The following DENND3 variants were observed in gnomAD, a reference collection of about 807,000 sequenced individuals.
The protein encoded by DENND3 is DENN domain-containing protein 3.
Under a neutral mutation model 135.1 loss-of-function variants are expected in DENND3, and 88 were observed. The ratio of observed to expected loss-of-function variants is 0.65; its 90% CI spans 0.55 to 0.78. DENND3 has a LOEUF of 0.78. Among genes scored for constraint, DENND3 ranks in the 30% least tolerant of loss-of-function variants. DENND3 has a pLI of 0.00. For missense variants in DENND3, 1,392 were observed against 1,688.4 expected, an observed-to-expected ratio of 0.82 and a Z score of 3.08; for synonymous variants, 693 against 712.3, an observed-to-expected ratio of 0.97 and a Z score of 0.43.
rs775760071 is a variant in DENND3 at position 141,175,635 on chromosome 8, A to G, written c.2535+176A>G. Reference sequence around the variant, plus strand: ...TCTGTAAAGTAGGAATAAGGCTGATACCTTCTCAGTGGGTGGTGGAGATTG... The same window carrying G: ...TCTGTAAAGTAGGAATAAGGCTGATGCCTTCTCAGTGGGTGGTGGAGATTG... On this transcript the variant is annotated intron_variant, in intron 14 of 22. Transcript: ENST00000519811. This position sits in a 1 kb window ranked among gnomAD's most constrained non-coding sequence, Gnocchi z 5.4. The G allele has an allele frequency of 1.1e-6, 1 of 895,700 alleles. No homozygotes were observed. The highest frequency in any genetic ancestry group is 1.8e-6 in the Non-Finnish European group (1 of 566,284). 55.5% of individuals were successfully genotyped at this position (895,700 alleles called of 1,614,324 possible).
At chr8:141,189,615 CT>C (rs56255500) in intron 19 of DENND3, among the ~76,000 whole-genome samples, 19,568 of 152,212 alleles carry the variant, frequency 0.13, 1,624 homozygotes, top group East Asian at 0.18. Flanking sequence ...TGAGCAGAGG[CT>C]CATGGTGGGG....
Position 141,168,417 on chromosome 8 carries a change from C to A in DENND3, c.2167C>A (p.Leu723Met). 1 of 1,613,898 alleles carries A rather than the reference C, an allele frequency of 6.2e-7. No homozygotes were observed. The highest frequency in any genetic ancestry group is 8.5e-7 in the Non-Finnish European group (1 of 1,180,044). Reference protein sequence around the residue: ...KLDDHVKKFKLPKKHMQLGDF... With the variant: ...KLDDHVKKFKMPKKHMQLGDF... ...GGACGACCACGTGAAGAAGTTCAAGCTGCCCAAGAAGCACATGCAGCTGGG... is the reference window on the plus strand; with the variant it reads ...GGACGACCACGTGAAGAAGTTCAAGATGCCCAAGAAGCACATGCAGCTGGG... The change falls in exon 13 of 23, where the codon CTG becomes ATG. Residue 723 changes from leucine (L) to methionine (M), a missense_variant. Coordinates refer to ENST00000519811, the MANE Select transcript of DENND3 (RefSeq NM_001352890.3). The surrounding 1 kb of genome is among the most constrained non-coding windows in gnomAD (Gnocchi z 6.2).
At position 141,128,930 on chromosome 8, in the gene DENND3, G is replaced by C; in HGVS notation, c.102+121G>C. The C allele has an allele frequency of 1.4e-6, 1 of 728,348 alleles. No individual in the cohort carries two copies. 45.1% of individuals were successfully genotyped at this position (728,348 alleles called of 1,614,324 possible). A position where few individuals can be genotyped will look rare whatever the true frequency, so the allele number is the denominator to read the frequency against. The stretch of plus-strand genomic sequence containing the variant: ...CGGACTTTCCGAGGGCTGAGTCCCG[G>C]TCCCCCGGCGGTGACCCCGCGCGCC... On this transcript the variant is annotated intron_variant, in intron 1 of 22. Coordinates refer to ENST00000519811, the MANE Select transcript of DENND3 (RefSeq NM_001352890.3). The surrounding 1 kb of genome is among the most constrained non-coding windows in gnomAD (Gnocchi z 4.5).
intron 10 of DENND3, among the ~76,000 whole-genome samples, chr8:141,164,314 A>G (rs978557560): frequency 1.3e-5 from 2 of 152,166 alleles, no homozygotes; most frequent in African/African-American, 4.8e-5. Flanking sequence ...TCCATTTGTG[A>G]CTATTACAAA....
chr8:141,156,657 G>A (rs1472381055), intron 8 of DENND3, among the ~76,000 whole-genome samples: 1 of 152,084 alleles, frequency 6.6e-6, no homozygotes, highest in Non-Finnish European at 1.5e-5. Flanking sequence ...CTAATGACAG[G>A]ACAGCCATGG....
intron 18 of DENND3, 191 bp downstream of exon 18, chr8:141,185,469 C>T: frequency 3.0e-6 from 2 of 669,312 alleles, no homozygotes; most frequent in East Asian, 2.9e-5. Flanking sequence ...CTTCTACTTA[C>T]ACGTCCTTAT....
intron 10 of DENND3, among the ~76,000 whole-genome samples, chr8:141,164,058 C>G (rs915564149): frequency 6.6e-6 from 1 of 152,194 alleles, no homozygotes. Flanking sequence ...TGCCCCATCC[C>G]TCCCCAGGTC....
chr8:141,137,769 G>A lies in DENND3; in HGVS notation c.386-253G>A, dbSNP rs1205497495. Among the ~76,000 whole-genome samples the A allele has an allele frequency of 5.9e-5, 9 of 152,214 alleles. No homozygotes were observed. Among genetic ancestry groups the A allele is most frequent in the Non-Finnish European group, 1.0e-4 (7 of 68,032 alleles). On this transcript the variant is annotated intron_variant, in intron 2 of 22. Coordinates refer to ENST00000519811, the MANE Select transcript of DENND3 (RefSeq NM_001352890.3). This position sits in a 1 kb window ranked among gnomAD's most constrained non-coding sequence, Gnocchi z 4.1. The stretch of plus-strand genomic sequence containing the variant: ...AACCTGGGACAGGCGCCAGGTGGGC[G>A]GCTGTGCCCAGCAAGCACTGCCACT...
At position 141,180,835 on chromosome 8, in the gene DENND3, C is replaced by A. The variant is rs149194254; in HGVS notation, c.2925C>A (p.Asp975Glu). ...GGGAGGCGTTCCCACAAGCGGTGGA[C>A]GTGCTGCTCTACACTCCAGGTAAGG... is the stretch of plus-strand genomic sequence containing the variant. ...SAGEAFPQAV[D>E]VLLYTPGHLD... The change falls in exon 17 of 23, where the codon GAC becomes GAA. Residue 975 changes from aspartate (D) to glutamate (E), a missense_variant. Asp to Glu is a conservative substitution (Grantham distance 45, BLOSUM62 2). Transcript: ENST00000519811. 2 of 1,613,052 alleles carry A rather than the reference C, an allele frequency of 1.2e-6. No homozygotes were observed. Among genetic ancestry groups the A allele is most frequent in the South Asian group, 1.1e-5 (1 of 90,812 alleles).
At chr8:141,149,084 A>G (rs1818483791) in intron 5 of DENND3, among the ~76,000 whole-genome samples, 1 of 151,926 alleles carries the variant, frequency 6.6e-6, no homozygotes, top group Non-Finnish European at 1.5e-5. Context: ...CTAATTTTGT[A>G]TTTTTAGTAG....
rs1820824415 is a variant in DENND3, at chr8:141,166,578, A to T, written c.1753+189A>T. ...TTCTAGAAAATTATTTCTCGTCTGT[A>T]TTTTCTGCCACCCAGTGTCACCGCT... On this transcript the variant is annotated intron_variant, in intron 12 of 22. Transcript: ENST00000519811. This position sits in a 1 kb window ranked among gnomAD's most constrained non-coding sequence, Gnocchi z 4.3. Among the ~76,000 whole-genome samples the T allele has an allele frequency of 6.6e-6, 1 of 152,082 alleles. No homozygotes were observed. The highest frequency in any genetic ancestry group is 6.5e-5 in the Admixed American group (1 of 15,278).
Position 141,133,426 on chromosome 8 carries a change from G to C in DENND3, c.103-3083G>C, listed in dbSNP as rs538228542. Among the ~76,000 whole-genome samples, 17 of 152,304 alleles carry C rather than the reference G, an allele frequency of 1.1e-4. 1 individual carries two copies. The South Asian group carries it at 3.5e-3, about 32-fold the overall frequency. ...GATGGGGCTGTGATGCTTCAAGGCTGGGTTGGGGCCACAAAGTATCTGGTT... is the reference window on the plus strand; with the variant it reads ...GATGGGGCTGTGATGCTTCAAGGCTCGGTTGGGGCCACAAAGTATCTGGTT... On this transcript the variant is annotated intron_variant, in intron 1 of 22. Transcript: ENST00000519811.
At position 141,175,145 on chromosome 8, in the gene DENND3, G is replaced by A; in HGVS notation, c.2276-55G>A. 6.4e-7 allele frequency: 1 copy of A among 1,555,678 alleles called. No individual in the cohort carries two copies. Among genetic ancestry groups the A allele is most frequent in the Non-Finnish European group, 8.7e-7 (1 of 1,153,050 alleles). Reference sequence around the variant, plus strand: ...CTTCAGGTCATGGAGAAGCCCTTGGGGCTCCCGAGGTATGTGGCTGTAAGA... The same window carrying A: ...CTTCAGGTCATGGAGAAGCCCTTGGAGCTCCCGAGGTATGTGGCTGTAAGA... On this transcript the variant is annotated intron_variant, in intron 13 of 22. Coordinates refer to ENST00000519811, the MANE Select transcript of DENND3 (RefSeq NM_001352890.3). This position sits in a 1 kb window ranked among gnomAD's most constrained non-coding sequence, Gnocchi z 5.4.
intron 5 of DENND3, among the ~76,000 whole-genome samples, chr8:141,148,508 A>ACCGTATCT (rs1818419183): frequency 6.6e-6 from 1 of 152,128 alleles, no homozygotes; most frequent in South Asian, 2.1e-4. Context: ...CTTCTCTTGT[A>ACCGTATCT]CCGTATCTGA....
chr8:141,168,146 C>G lies in DENND3; in HGVS notation c.1896C>G (p.Asn632Lys), dbSNP rs750793638. 21 of 1,614,132 alleles carry G rather than the reference C, an allele frequency of 1.3e-5. No homozygotes were observed. Among genetic ancestry groups the G allele is most frequent in the Non-Finnish European group, 1.7e-5 (20 of 1,180,060 alleles). The change falls in exon 13 of 23, where the codon AAC becomes AAG. Residue 632 changes from asparagine to lysine, a missense_variant. Physicochemically the swap from Asn to Lys is moderately conservative, Grantham distance 94 (BLOSUM62 0). Transcript: ENST00000519811. This position sits in a 1 kb window ranked among gnomAD's most constrained non-coding sequence, Gnocchi z 6.2. ...CCATGTGCTTTCTGGCCCCCGATAA[C>G]TCTCTGCTCCTGGCCCGCTATTTGT... Reference protein sequence around the residue: ...SEAMCFLAPDNSLLLARYLYL... With the variant: ...SEAMCFLAPDKSLLLARYLYL...
chr8:141,149,823 G>A (rs980032528), intron 5 of DENND3, among the ~76,000 whole-genome samples: 7 of 152,238 alleles, frequency 4.6e-5, no homozygotes, highest in African/African-American at 1.4e-4. Flanking sequence ...AAGGACCTGC[G>A]TCTTGTTAGG....
At chr8:141,150,452 A>G (rs1471455756) in intron 5 of DENND3, 2 of 490,294 alleles carry the variant, frequency 4.1e-6, no homozygotes, top group Non-Finnish European at 6.3e-6. Context: ...AGTTCATAGC[A>G]TACACTAACT....
intron 8 of DENND3, among the ~76,000 whole-genome samples, chr8:141,158,977 A>G (rs1183047600): frequency 1.3e-5 from 2 of 152,158 alleles, no homozygotes; most frequent in Admixed American, 6.5e-5. Flanking sequence ...TACATGAGGA[A>G]AGTCATCAAA....
intron 5 of DENND3, among the ~76,000 whole-genome samples, chr8:141,145,202 A>G (rs1160846115): frequency 6.6e-6 from 1 of 152,226 alleles, no homozygotes; most frequent in Non-Finnish European, 1.5e-5. Context: ...ACACCCCCTT[A>G]TCTTGACTCA....
Sources: allele counts gnomAD v4.1 joint callset (sites outside exome capture counted in the v4.1 genomes callset), GRCh38; gene constraint gnomAD v4.1.1; non-coding constraint Gnocchi (gnomAD v3.1); transcripts MANE v1.5; gene names NCBI Gene and HGNC (gene_info 2026-07-23, HGNC 2026-07-21).